ARID2: variants seen among roughly 807,000 people sequenced by gnomAD.
ARID2 encodes AT-rich interactive domain-containing protein 2.
In ARID2, 32 loss-of-function variants were observed where a neutral mutation model predicts 184.6. That is an observed-to-expected ratio of 0.17 (90% CI 0.13 to 0.23). The LOEUF (loss-of-function observed/expected upper bound fraction) is 0.23, where lower values mean the gene tolerates loss of function less well. ARID2 is among the 10% of genes least tolerant of loss of function. The pLI is 1.00. For missense variants in ARID2, 1,696 were observed against 2,197.6 expected (o/e 0.77, Z 4.56); for synonymous variants, 836 against 772.6 (o/e 1.08, Z -1.36).
rs760734603 is a variant in ARID2, at chr12:45,839,483, A to G, written c.1485A>G (p.Val495=). ...AIEQVQTQTH[V]ASAPASRAVV... The stretch of plus-strand genomic sequence containing the variant: ...AGCAAGTCCAAACCCAGACTCATGT[A>G]GCATCTGCCCCAGGTTAGTGTTTTC... Residue 495 remains valine, a synonymous_variant, in exon 11 of 21, where the codon GTA becomes GTG. Coordinates refer to ENST00000334344, the MANE Select transcript of ARID2 (RefSeq NM_152641.4). 80 of 1,612,352 alleles carry G rather than the reference A, an allele frequency of 5.0e-5. No homozygotes were observed. Among genetic ancestry groups the G allele is most frequent in the Non-Finnish European group, 6.3e-5 (74 of 1,179,502 alleles).
intron 16 of ARID2, among the ~76,000 whole-genome samples, chr12:45,883,416 G>T (rs1944135863): frequency 1.3e-5 from 2 of 150,572 alleles, no homozygotes. Flanking sequence ...GTTGGGAAAA[G>T]AATTTCCTAG....
At chr12:45,899,106 T>C (rs1944409312) in intron 20 of ARID2, among the ~76,000 whole-genome samples, 1 of 149,622 alleles carries the variant, frequency 6.7e-6, no homozygotes, top group Non-Finnish European at 1.5e-5. Flanking sequence ...ACCCCATCTC[T>C]ACTAAAAATA....
At chr12:45,796,435 T>G (rs959877568) in intron 3 of ARID2, among the ~76,000 whole-genome samples, 1 of 152,198 alleles carries the variant, frequency 6.6e-6, no homozygotes, top group African/African-American at 2.4e-5. Flanking sequence ...TTGGTAAATC[T>G]TTGAAACTAT....
At chr12:45,855,730 T>G (rs1258355492) in intron 15 of ARID2, among the ~76,000 whole-genome samples, 1 of 152,090 alleles carries the variant, frequency 6.6e-6, no homozygotes, top group African/African-American at 2.4e-5. Flanking sequence ...CTTTTTTGGG[T>G]GGGGAAGACA....
At chr12:45,795,627 G>A (rs1053770585) in intron 3 of ARID2, among the ~76,000 whole-genome samples, 2 of 151,878 alleles carry the variant, frequency 1.3e-5, no homozygotes, top group Non-Finnish European at 2.9e-5. Context: ...TACTAGAGAC[G>A]GGGTTTCACT....
At chr12:45,778,179 C>G (rs546208977) in intron 3 of ARID2, among the ~76,000 whole-genome samples, 1 of 152,126 alleles carries the variant, frequency 6.6e-6, no homozygotes, top group African/African-American at 2.4e-5. Flanking sequence ...GCGCTCCAGC[C>G]TGGGGGACAA....
chr12:45,821,347 C>T, intron 5 of ARID2, 73 bp from the exon 6 acceptor site: 1 of 920,174 alleles, frequency 1.1e-6, no homozygotes, highest in Non-Finnish European at 1.6e-6. Flanking sequence ...TTTTCCAAGC[C>T]TATTATTAAA....
chr12:45,737,665 T>C (rs1941157529), intron 3 of ARID2, among the ~76,000 whole-genome samples: 1 of 152,160 alleles, frequency 6.6e-6, no homozygotes, highest in Non-Finnish European at 1.5e-5. Flanking sequence ...TTGATTAATA[T>C]GTATTTCCAA....
chr12:45,790,265 T>C (rs1182649871), intron 3 of ARID2, among the ~76,000 whole-genome samples: 2 of 152,174 alleles, frequency 1.3e-5, no homozygotes, highest in Non-Finnish European at 2.9e-5. Flanking sequence ...TGTTTTAGTT[T>C]TTTATAGAAT....
chr12:45,734,751 G>T (rs1312241858), intron 3 of ARID2, among the ~76,000 whole-genome samples: 2 of 152,014 alleles, frequency 1.3e-5, no homozygotes, highest in African/African-American at 4.8e-5. Flanking sequence ...GTTCTGTTTT[G>T]TTGTTGAAAT....
chr12:45,789,292 G>A (rs1942250346), intron 3 of ARID2: 1 of 152,212 alleles, frequency 6.6e-6, no homozygotes, highest in South Asian at 2.1e-4. Flanking sequence ...GGTGCATTTT[G>A]GATTATATTT....
rs181360055 is a variant in ARID2 at position 45,777,705 on chromosome 12, G to T, written c.285-33713G>T. Among the ~76,000 whole-genome samples the T allele has an allele frequency of 7.9e-5, 12 of 151,388 alleles. No homozygotes were observed. In the East Asian group the frequency reaches 2.3e-3, roughly 29 times the overall value. The stretch of plus-strand genomic sequence containing the variant: ...CTAATTTTTATTTTATGTTAGTTTA[G>T]CTTATTATACATTAGCCTTTCTTAG... On this transcript the variant is annotated intron_variant, in intron 3 of 20. Coordinates refer to ENST00000334344, the MANE Select transcript of ARID2 (RefSeq NM_152641.4).
At position 45,756,235 on chromosome 12, in the gene ARID2, C is replaced by T. The variant is rs189163370; in HGVS notation, c.284+24921C>T. Among the ~76,000 whole-genome samples, 104 of 152,268 alleles carry T rather than the reference C, an allele frequency of 6.8e-4. 1 individual carries two copies. The East Asian group carries it at 0.015, about 22-fold the overall frequency. On this transcript the variant is annotated intron_variant, in intron 3 of 20. Transcript: ENST00000334344. ...ATACATTTTCTAACTTTGGATATTCCTGGACACACATTTGTGTGGCTAGTG... is the reference window on the plus strand; with the variant it reads ...ATACATTTTCTAACTTTGGATATTCTTGGACACACATTTGTGTGGCTAGTG...
intron 3 of ARID2, among the ~76,000 whole-genome samples, chr12:45,780,885 G>C (rs917184492): frequency 6.6e-6 from 1 of 152,146 alleles, no homozygotes; most frequent in African/African-American, 2.4e-5. Flanking sequence ...CTCCCAAAGT[G>C]CTGGGATTAC....
In ARID2 at chr12:45,821,487, G is replaced by A. The variant is rs781509475; in HGVS notation, c.705G>A (p.Lys235=). ...AGAAGACTGATAGAGACTTCGTTAA[G>A]GTAAATCATTTTAATTAAAATGTTG... is the stretch of plus-strand genomic sequence containing the variant. ...WKEKTDRDFV[K]FWKDIVDDNE... The change falls in exon 6 of 21, where the codon AAG becomes AAA. Residue 235 remains lysine, a splice_region_variant and synonymous_variant. Coordinates refer to ENST00000334344, the MANE Select transcript of ARID2 (RefSeq NM_152641.4). 1 of 1,482,494 alleles carries A rather than the reference G, an allele frequency of 6.7e-7. No individual in the cohort carries two copies. The highest frequency in any genetic ancestry group is 1.5e-5 in the South Asian group (1 of 66,842). The allele number at this position is 1,482,494 out of a possible 1,614,324, so 91.8% of individuals were successfully genotyped here.
Position 45,892,118 on chromosome 12 carries a change from C to A in ARID2, c.5147+22C>A, listed in dbSNP as rs369881069. On this transcript the variant is annotated intron_variant, in intron 18 of 20. Transcript: ENST00000334344. Reference sequence around the variant, plus strand: ...CCAAGTAAGGAAAATGAGTTTACTTCCTGTTGTACATACAAAAAGAAACTA... The same window carrying A: ...CCAAGTAAGGAAAATGAGTTTACTTACTGTTGTACATACAAAAAGAAACTA... 6 of 1,602,304 alleles carry A rather than the reference C, an allele frequency of 3.7e-6. No homozygotes were observed. In the African/African-American group the frequency reaches 6.7e-5, roughly 18 times the overall value.
intron 6 of ARID2, among the ~76,000 whole-genome samples, chr12:45,824,074 A>G (rs1942949253): frequency 6.6e-6 from 1 of 152,152 alleles, no homozygotes; most frequent in Non-Finnish European, 1.5e-5. Flanking sequence ...CATATCAAAA[A>G]GACAGTGCAC....
chr12:45,832,459 C>A (rs754719867), intron 6 of ARID2, among the ~76,000 whole-genome samples: 1 of 151,898 alleles, frequency 6.6e-6, no homozygotes, highest in Non-Finnish European at 1.5e-5. Flanking sequence ...CAATATTTTT[C>A]TTTCCCCTCT....
chr12:45,885,867 G>A (rs1944178187), intron 16 of ARID2, among the ~76,000 whole-genome samples: 1 of 152,112 alleles, frequency 6.6e-6, no homozygotes, highest in South Asian at 2.1e-4. Context: ...CCTCCTACTG[G>A]GTCCCTCCTA....
Sources: allele counts gnomAD v4.1 joint callset (sites outside exome capture counted in the v4.1 genomes callset), GRCh38; gene constraint gnomAD v4.1.1; transcripts MANE v1.5; gene names NCBI Gene and HGNC (gene_info 2026-07-23, HGNC 2026-07-21).